NLK: variants seen among roughly 807,000 people sequenced by gnomAD.
NLK encodes serine/threonine-protein kinase NLK.
Under a neutral mutation model 59.0 loss-of-function variants are expected in NLK, and 11 were observed. The ratio of observed to expected loss-of-function variants is 0.19; its 90% CI spans 0.12 to 0.31. The LOEUF is 0.31. NLK is among the 10% of genes least tolerant of loss of function. The pLI is 1.00. For missense variants in NLK, 410 were observed against 661.1 expected, an observed-to-expected ratio of 0.62 and a Z score of 4.16; for synonymous variants, 235 against 235.9, an observed-to-expected ratio of 1.00 and a Z score of 0.03.
chr17:28,198,661 A>T (rs538899075), downstream of NLK, among the ~76,000 whole-genome samples: 1 of 151,778 alleles, frequency 6.6e-6, no homozygotes, highest in African/African-American at 2.4e-5. Context: ...TCTCTTCCGG[A>T]GTTTTATTTT....
chr17:28,087,904 A>G (rs553247964), intron 1 of NLK, among the ~76,000 whole-genome samples: 2 of 152,142 alleles, frequency 1.3e-5, no homozygotes, highest in East Asian at 1.9e-4. Flanking sequence ...AATCAGTCAC[A>G]AAGTTTATAG....
At chr17:28,196,728 A>C (rs1405441543), downstream of NLK, among the ~76,000 whole-genome samples, 3 of 152,230 alleles carry the variant, frequency 2.0e-5, no homozygotes, top group African/African-American at 7.2e-5. Flanking sequence ...TGTATGAAGC[A>C]GACTGGTAAA....
At chr17:28,109,928 G>A (rs1404513871) in intron 1 of NLK, among the ~76,000 whole-genome samples, 4 of 152,182 alleles carry the variant, frequency 2.6e-5, no homozygotes, top group African/African-American at 4.8e-5. Flanking sequence ...ATGTGCCATT[G>A]TACAGTTTTA....
chr17:28,177,785 A>G (rs767875695), intron 7 of NLK, among the ~76,000 whole-genome samples: 1 of 152,244 alleles, frequency 6.6e-6, no homozygotes, highest in Non-Finnish European at 1.5e-5. Context: ...TGTTTTCCTC[A>G]TATCAAGAGG....
chr17:28,200,295 T>C (rs1567745965), downstream of NLK, among the ~76,000 whole-genome samples: 1 of 152,188 alleles, frequency 6.6e-6, no homozygotes. Context: ...TTTACATTTC[T>C]TTTAGATATA....
At chr17:28,162,860 AG>A (rs1294234855) in intron 4 of NLK, among the ~76,000 whole-genome samples, 2 of 152,032 alleles carry the variant, frequency 1.3e-5, no homozygotes, top group East Asian at 3.9e-4. Flanking sequence ...TCGAGGCTTC[AG>A]TGAGCTGTGA....
chr17:28,102,648 C>CAA (rs74716454), intron 1 of NLK, among the ~76,000 whole-genome samples: 12 of 69,518 alleles, frequency 1.7e-4, no homozygotes, highest in East Asian at 4.0e-4. Context: ...GACTCCATCT[C>CAA]AAAAAAAAAA....
chr17:28,164,234 G>T (rs1417762233), intron 5 of NLK, among the ~76,000 whole-genome samples: 1 of 151,950 alleles, frequency 6.6e-6, no homozygotes, highest in African/African-American at 2.4e-5. Flanking sequence ...GCTAGGTGTG[G>T]TTGCACATGC....
chr17:28,114,277 A>C (rs933642977), intron 1 of NLK, among the ~76,000 whole-genome samples: 1 of 152,214 alleles, frequency 6.6e-6, no homozygotes, highest in African/African-American at 2.4e-5. Context: ...TCAAATTGCC[A>C]GGTCATAGTG....
chr17:28,107,040 C>T (rs1447722379), intron 1 of NLK, among the ~76,000 whole-genome samples: 4 of 152,164 alleles, frequency 2.6e-5, no homozygotes, highest in Non-Finnish European at 5.9e-5. Flanking sequence ...AAACACTACA[C>T]AACTAAGTAT....
At chr17:28,146,410 T>C (rs200865368) in intron 3 of NLK, among the ~76,000 whole-genome samples, 157 of 91,366 alleles carry the variant, frequency 1.7e-3, no homozygotes, top group African/African-American at 6.2e-3. Flanking sequence ...ATGATGACGA[T>C]GATGATGATG....
At chr17:28,105,985 C>T (rs552956920) in intron 1 of NLK, among the ~76,000 whole-genome samples, 2 of 152,296 alleles carry the variant, frequency 1.3e-5, no homozygotes, top group East Asian at 3.9e-4. Flanking sequence ...CATTATTGCT[C>T]TATTTACCAT....
intron 10 of NLK, 38 bp from the exon 11 acceptor site, chr17:28,194,544 A>T (rs1266438991): frequency 1.3e-6 from 2 of 1,503,882 alleles, no homozygotes; most frequent in Non-Finnish European, 1.8e-6. Flanking sequence ...GTCCATTGTG[A>T]CATTACAACT....
intron 5 of NLK, among the ~76,000 whole-genome samples, chr17:28,165,207 T>G (rs1490114416): frequency 6.6e-6 from 1 of 152,222 alleles, no homozygotes; most frequent in Non-Finnish European, 1.5e-5. Flanking sequence ...AGTTAGAAAT[T>G]TTTTTGTCCT....
chr17:28,067,146 G>A (rs187988570), intron 1 of NLK, among the ~76,000 whole-genome samples: 3 of 152,006 alleles, frequency 2.0e-5, no homozygotes, highest in African/African-American at 7.2e-5. Flanking sequence ...ATAACTTTTG[G>A]TGTTAAATCT....
intron 3 of NLK, among the ~76,000 whole-genome samples, chr17:28,156,558 C>CT (rs971344433): frequency 6.6e-6 from 1 of 151,938 alleles, no homozygotes; most frequent in Non-Finnish European, 1.5e-5. Flanking sequence ...GCAACACACA[C>CT]TTTTTTTGTG....
chr17:28,098,675 C>CTTTTTTTTTTTTT (rs781294029), intron 1 of NLK, among the ~76,000 whole-genome samples: 6 of 67,572 alleles, frequency 8.9e-5, no homozygotes, highest in East Asian at 8.7e-4. Flanking sequence ...CATTACCATT[C>CTTTTTTTTTTTTT]TTTTTTTTTT....
chr17:28,188,332 G>C (rs780657391), intron 8 of NLK, among the ~76,000 whole-genome samples: 1 of 152,144 alleles, frequency 6.6e-6, no homozygotes, highest in Non-Finnish European at 1.5e-5. Flanking sequence ...TTTTAAATTA[G>C]CCTGATGCTT....
At chr17:28,136,080 T>C (rs941124487) in intron 3 of NLK, among the ~76,000 whole-genome samples, 21 of 152,202 alleles carry the variant, frequency 1.4e-4, no homozygotes, top group African/African-American at 4.8e-4. Flanking sequence ...CTCCTCAAAA[T>C]TGTTCGCAGA....
Sources: gnomAD v4.1 joint callset for allele counts (sites outside exome capture counted in the v4.1 genomes callset) on GRCh38, gnomAD v4.1.1 for gene constraint, MANE v1.5 for transcripts, NCBI Gene and HGNC (gene_info 2026-07-23, HGNC 2026-07-21) for gene names.